The following CUX1 variants were observed in gnomAD, a reference collection of about 807,000 sequenced individuals.
CUX1 encodes protein CASP.
CUX1 carries 31 observed loss-of-function variants against 158.8 expected under a neutral mutation model. That is an observed-to-expected ratio of 0.20 (90% CI 0.15 to 0.26). The LOEUF (loss-of-function observed/expected upper bound fraction) is 0.26. Among genes scored for constraint, CUX1 ranks in the 10% least tolerant of loss-of-function variants. The probability of loss-of-function intolerance (pLI) is 1.00; values close to 1 mark genes in which losing one functional copy is unlikely to be tolerated. For synonymous variants in CUX1, 879 were observed against 862.1 expected (o/e 1.02, Z -0.34); for missense variants, 1,589 against 2,014.6 (o/e 0.79, Z 4.04).
Position 102,097,535 on chromosome 7 carries a change from T to A in CUX1, c.406+34T>A, listed in dbSNP as rs201081607. The A allele has an allele frequency of 4.0e-5, 60 of 1,503,734 alleles. No homozygotes were observed. The Middle Eastern group carries it at 8.8e-4, about 22-fold the overall frequency. The allele number at this position is 1,503,734 out of a possible 1,614,324, so 93.1% of individuals were successfully genotyped here. ...AAAATGCGTTCTTTGCTTTTTCTTT[T>A]CTTCTTTTTTTTCTCTTCTTTTTAT... On this transcript the variant is annotated intron_variant, in intron 5 of 23. Transcript: ENST00000292535.
chr7:102,174,918 C>G (rs1554511371), intron 10 of CUX1, among the ~76,000 whole-genome samples: 1 of 152,126 alleles, frequency 6.6e-6, no homozygotes, highest in African/African-American at 2.4e-5. Context: ...CCACTGCACT[C>G]CAGCCTGGGT....
At chr7:101,985,757 G>C (rs924923250) in intron 2 of CUX1, among the ~76,000 whole-genome samples, 4 of 152,202 alleles carry the variant, frequency 2.6e-5, no homozygotes, top group African/African-American at 9.6e-5. Flanking sequence ...GCCCAGTGCC[G>C]GGTATGGTGT....
At chr7:101,918,586 C>T (rs538876291) in intron 2 of CUX1, among the ~76,000 whole-genome samples, 1 of 152,356 alleles carries the variant, frequency 6.6e-6, no homozygotes, top group African/African-American at 2.4e-5. Flanking sequence ...GAGGGTCTCA[C>T]TGCAGCATGC....
intron 3 of CUX1, among the ~76,000 whole-genome samples, chr7:102,058,797 C>A (rs1377530259): frequency 6.6e-6 from 1 of 152,196 alleles, no homozygotes; most frequent in Non-Finnish European, 1.5e-5. Flanking sequence ...CCCCACTCCC[C>A]CACCGGGATT....
intron 2 of CUX1, among the ~76,000 whole-genome samples, chr7:101,972,202 G>A (rs1317193954): frequency 1.3e-5 from 2 of 152,164 alleles, no homozygotes; most frequent in Non-Finnish European, 2.9e-5. Context: ...TCCTGACATC[G>A]TGATCCGCCT....
At chr7:102,125,000 T>G (rs1222890356) in intron 8 of CUX1, among the ~76,000 whole-genome samples, 6 of 152,178 alleles carry the variant, frequency 3.9e-5, no homozygotes, top group Non-Finnish European at 7.3e-5. Context: ...CAGGCTGGTC[T>G]CGATCTCCTG....
At chr7:102,157,615 A>T (rs1789916081) in intron 8 of CUX1, among the ~76,000 whole-genome samples, 1 of 152,158 alleles carries the variant, frequency 6.6e-6, no homozygotes, top group Non-Finnish European at 1.5e-5. Flanking sequence ...CCTTGTCTGT[A>T]CTAAAAATAC....
chr7:101,817,101 C>T (rs1791915390), upstream of CUX1: 1 of 984,476 alleles, frequency 1.0e-6, no homozygotes, highest in East Asian at 1.2e-4. The surrounding 1 kb of genome is among the most constrained non-coding windows in gnomAD (Gnocchi z 4.1). Flanking sequence ...CGCAGTGTCG[C>T]TGGGTCCCGG....
chr7:102,054,749 C>T (rs570238933), intron 3 of CUX1, among the ~76,000 whole-genome samples: 1 of 152,282 alleles, frequency 6.6e-6, no homozygotes, highest in East Asian at 1.9e-4. Context: ...GGGAGGATCA[C>T]TTGAACCTAA....
intron 3 of CUX1, among the ~76,000 whole-genome samples, chr7:102,053,325 T>C (rs1563181000): frequency 6.6e-6 from 1 of 152,162 alleles, no homozygotes. Context: ...TGGGGATGTA[T>C]ATATATATTT....
chr7:102,243,976 G>C (rs1417755345), intron 23 of CUX1, among the ~76,000 whole-genome samples: 1 of 151,910 alleles, frequency 6.6e-6, no homozygotes, highest in Admixed American at 6.6e-5. Context: ...GCAGTGAGCC[G>C]AGATCACGCC....
At position 102,195,580 on chromosome 7, in the gene CUX1, G is replaced by C. The variant is rs781840265; in HGVS notation, c.1199G>C (p.Arg400Pro). 1 of 1,610,790 alleles carries C rather than the reference G, an allele frequency of 6.2e-7. No homozygotes were observed. Among genetic ancestry groups the C allele is most frequent in the Non-Finnish European group, 8.5e-7 (1 of 1,179,150 alleles). ...CTGCAGTCCGAGAACGCCGCGCTGC[G>C]CATCTCCAACAGCGACCTGAGCGGT... is the stretch of plus-strand genomic sequence containing the variant. Reference protein sequence around the residue: ...RSLQSENAALRISNSDLSGSA... With the variant: ...RSLQSENAALPISNSDLSGSA... The change falls in exon 14 of 24, where the codon CGC (arginine) becomes CCC (proline). Residue 400 changes from arginine to proline, a missense_variant. By Grantham distance (103) the Arg-to-Pro change is moderately radical (BLOSUM62 -2). Around this residue, in one of 8 missense-constraint regions of CUX1, gnomAD observed 515 missense variants for 574.4 expected, o/e 0.90. Coordinates refer to ENST00000292535, the MANE Select transcript of CUX1 (RefSeq NM_181552.4).
In CUX1 at chr7:102,104,567, C is replaced by T. The variant is rs964588152; in HGVS notation, c.530+108C>T. The stretch of plus-strand genomic sequence containing the variant: ...TCTGCAAAATAAGCCCAGGTTGTAA[C>T]CCCAAATCTATAAGGGGTAAAATGT... On this transcript the variant is annotated intron_variant, in intron 6 of 23. Transcript: ENST00000292535. 7 of 1,428,102 alleles carry T rather than the reference C, an allele frequency of 4.9e-6. No homozygotes were observed. In the African/African-American group the frequency reaches 7.1e-5, roughly 15 times the overall value. 88.5% of individuals were successfully genotyped at this position (1,428,102 alleles called of 1,614,324 possible). A position where few individuals can be genotyped will look rare whatever the true frequency, so the allele number is the denominator to read the frequency against.
chr7:102,149,866 T>G (rs1290942158), intron 8 of CUX1, among the ~76,000 whole-genome samples: 1 of 152,142 alleles, frequency 6.6e-6, no homozygotes, highest in Non-Finnish European at 1.5e-5. Flanking sequence ...ACCTGCTCTT[T>G]CTGGACAGGG....
intron 20 of CUX1, among the ~76,000 whole-genome samples, chr7:102,215,337 A>C (rs1796947334): frequency 6.7e-6 from 1 of 149,656 alleles, no homozygotes. Context: ...GAAAGATGTT[A>C]TAATCAATTA....
At chr7:102,273,505 C>A (rs782000695) in intron 15 of CUX1, 26 of 1,603,636 alleles carry the variant, frequency 1.6e-5, no homozygotes, top group Non-Finnish European at 2.0e-5. Flanking sequence ...TGAGCCCACC[C>A]CCCTGCCCCA....
rs1004488948 is a variant in CUX1, at chr7:101,817,872, CTT to C, written c.30+205_30+206del. ...GTGCGTGAAGATAAACTTGGCTGAA[CTT>C]TCCTAACCTGGAGGACTGGTGACAG... is the stretch of plus-strand genomic sequence containing the variant. On this transcript the variant is annotated intron_variant, in intron 1 of 23. Transcript: ENST00000292535. This position sits in a 1 kb window ranked among gnomAD's most constrained non-coding sequence, Gnocchi z 4.1. Among the ~76,000 whole-genome samples the C allele has an allele frequency of 2.2e-4, 34 of 152,340 alleles. No individual in the cohort carries two copies. Among genetic ancestry groups the C allele is most frequent in the African/African-American group, 7.5e-4 (31 of 41,582 alleles).
intron 1 of CUX1, among the ~76,000 whole-genome samples, chr7:101,874,181 G>T (rs1167449949): frequency 6.6e-6 from 1 of 152,206 alleles, no homozygotes; most frequent in Non-Finnish European, 1.5e-5. Flanking sequence ...ATTATTGCAG[G>T]CAGGATGGGA....
intron 8 of CUX1, among the ~76,000 whole-genome samples, chr7:102,143,007 C>T (rs577311644): frequency 6.6e-6 from 1 of 152,266 alleles, no homozygotes; most frequent in East Asian, 1.9e-4. Context: ...GTTGTCTACC[C>T]GTGATTCCTG....
Sources: allele counts gnomAD v4.1 joint callset (sites outside exome capture counted in the v4.1 genomes callset), GRCh38; gene constraint gnomAD v4.1.1; regional missense constraint gnomAD v4.1.1; non-coding constraint Gnocchi (gnomAD v3.1); transcripts MANE v1.5; gene names NCBI Gene and HGNC (gene_info 2026-07-23, HGNC 2026-07-21).